DOCK2: variants seen among roughly 807,000 people sequenced by gnomAD.
DOCK2 encodes dedicator of cytokinesis 2, also known as dedicator of cytokinesis protein 2.
In DOCK2, 87 loss-of-function variants were observed where a neutral mutation model predicts 248.9. The observed-to-expected ratio is 0.35, with a 90% confidence interval of 0.29 to 0.42. DOCK2 has a LOEUF of 0.42. Ranked by LOEUF, DOCK2 falls within the 10% of genes least tolerant of loss-of-function variation. DOCK2 has a pLI of 1.00. For synonymous variants in DOCK2, 805 were observed against 821.6 expected (o/e 0.98, Z 0.35); for missense variants, 1,747 against 2,300.2 (o/e 0.76, Z 4.92).
chr5:169,826,690 G>T (rs1017542911), intron 26 of DOCK2, among the ~76,000 whole-genome samples: 1 of 152,134 alleles, frequency 6.6e-6, no homozygotes, highest in Non-Finnish European at 1.5e-5. Context: ...ATAAGAGTTA[G>T]TTATGTATTA....
At chr5:169,651,148 C>T (rs1201747118) in intron 1 of DOCK2, among the ~76,000 whole-genome samples, 1 of 152,194 alleles carries the variant, frequency 6.6e-6, no homozygotes, top group African/African-American at 2.4e-5. Context: ...CTTGGAGCTT[C>T]CTGTTAGTCA....
intron 27 of DOCK2, chr5:169,884,201 G>A (rs765704650): frequency 1.7e-5 from 4 of 229,678 alleles, no homozygotes; most frequent in Non-Finnish European, 2.5e-5. Flanking sequence ...AAGAGAGCTG[G>A]TAGGCGGTTT....
At chr5:169,940,644 A>G (rs1776203924) in intron 27 of DOCK2, among the ~76,000 whole-genome samples, 1 of 152,196 alleles carries the variant, frequency 6.6e-6, no homozygotes, top group Non-Finnish European at 1.5e-5. Flanking sequence ...GGAGCACGCA[A>G]CTTAGATCCC....
chr5:169,786,809 T>G (rs1766015764), intron 25 of DOCK2, among the ~76,000 whole-genome samples: 1 of 152,184 alleles, frequency 6.6e-6, no homozygotes, highest in Non-Finnish European at 1.5e-5. Context: ...GTATTTATAT[T>G]TTATATAAAA....
At chr5:169,769,610 G>A (rs78805498) in intron 25 of DOCK2, among the ~76,000 whole-genome samples, 1,999 of 152,346 alleles carry the variant, frequency 0.013, 29 homozygotes, top group Non-Finnish European at 0.02. Flanking sequence ...TGCTAAAATT[G>A]CAGAATCCTG....
At chr5:169,997,240 C>T (rs1021970555) in intron 30 of DOCK2, among the ~76,000 whole-genome samples, 4 of 131,664 alleles carry the variant, frequency 3.0e-5, no homozygotes, top group South Asian at 2.5e-4. Flanking sequence ...TATTGCTGCC[C>T]GCAGGTCCCA....
intron 25 of DOCK2, among the ~76,000 whole-genome samples, chr5:169,800,385 G>A (rs944390049): frequency 2.0e-4 from 30 of 152,010 alleles, no homozygotes; most frequent in African/African-American, 6.0e-4. Context: ...CACTTGTCAC[G>A]GACTGTCTCA....
In DOCK2 at chr5:169,715,599, T is replaced by C. The variant is rs922189464; in HGVS notation, c.1942-614T>C. ...CTTCCTCTTGCATTCTTTTTTCTTT[T>C]TTTTTTTTTAAAAAAGTTTGTTATT... is the stretch of plus-strand genomic sequence containing the variant. On this transcript the variant is annotated intron_variant, in intron 19 of 51. Coordinates refer to ENST00000520908, the MANE Select transcript of DOCK2 (RefSeq NM_004946.3). 2.0e-5 allele frequency among the ~76,000 whole-genome samples: 3 copies of C among 151,992 alleles called. 1 individual carries two copies. The highest frequency in any genetic ancestry group is 4.1e-4 in the South Asian group (2 of 4,828).
At chr5:169,955,104 C>T (rs1776809815) in intron 27 of DOCK2, among the ~76,000 whole-genome samples, 2 of 152,200 alleles carry the variant, frequency 1.3e-5, no homozygotes, top group Admixed American at 1.3e-4. Context: ...CAAGGCAACC[C>T]CATAACCTTG....
chr5:169,931,235 A>T (rs983775732), intron 27 of DOCK2, among the ~76,000 whole-genome samples: 1 of 152,226 alleles, frequency 6.6e-6, no homozygotes, highest in African/African-American at 2.4e-5. Flanking sequence ...TGTGCATCCC[A>T]AAGACGACCA....
chr5:169,991,948 A>G (rs1278630069), intron 29 of DOCK2, among the ~76,000 whole-genome samples: 1 of 152,232 alleles, frequency 6.6e-6, no homozygotes, highest in Non-Finnish European at 1.5e-5. Flanking sequence ...AACTGTTAGC[A>G]CAGGCCATAT....
chr5:169,714,030 G>A lies in DOCK2; in HGVS notation c.1662G>A (p.Gly554=), dbSNP rs1686750184. Residue 554 remains glycine, a splice_region_variant and synonymous_variant, in exon 18 of 52, where the codon GGG becomes GGA. Transcript: ENST00000520908. The part of the protein sequence containing the change: ...DGFHDLVVLK[G]DSKKMEDASA... Reference sequence around the variant, plus strand: ...CAGTAACCAAGTGTTGTTTCCAGGGGGACAGCAAGAAGATGGAGGATGCCA... The same window carrying A: ...CAGTAACCAAGTGTTGTTTCCAGGGAGACAGCAAGAAGATGGAGGATGCCA... 6.3e-7 allele frequency: 1 copy of A among 1,593,032 alleles called. No individual in the cohort carries two copies. The highest frequency in any genetic ancestry group is 1.7e-5 in the Admixed American group (1 of 58,838).
At chr5:169,717,342 T>G (rs1761959951) in intron 20 of DOCK2, 42 bp from the exon 21 acceptor site, 1 of 1,566,144 alleles carries the variant, frequency 6.4e-7, no homozygotes, top group Non-Finnish European at 8.8e-7. Flanking sequence ...CTTCCTGCCC[T>G]GGGTTTGCCC....
At chr5:169,828,531 C>T (rs1055689310) in intron 26 of DOCK2, among the ~76,000 whole-genome samples, 2 of 152,218 alleles carry the variant, frequency 1.3e-5, no homozygotes, top group Admixed American at 1.3e-4. Flanking sequence ...TTAGTCATCA[C>T]TGAATGAGCT....
At chr5:169,700,868 G>A (rs896239290) in intron 13 of DOCK2, among the ~76,000 whole-genome samples, 3 of 151,558 alleles carry the variant, frequency 2.0e-5, no homozygotes, top group African/African-American at 4.9e-5. Context: ...GAGAGAGGGC[G>A]GCGGGCGGGG....
intron 33 of DOCK2, 108 bp downstream of exon 33, chr5:170,019,216 G>A: frequency 6.6e-7 from 1 of 1,526,606 alleles, no homozygotes; most frequent in Non-Finnish European, 8.9e-7. Context: ...AGGCTCGGCG[G>A]CAGGATAGGG....
intron 3 of DOCK2, 73 bp from the exon 4 acceptor site, chr5:169,670,469 C>T (rs963763743): frequency 9.7e-6 from 15 of 1,547,784 alleles, no homozygotes; most frequent in African/African-American, 5.6e-5. Context: ...ATTATAAAGA[C>T]GTAGGGTCAT....
intron 9 of DOCK2, among the ~76,000 whole-genome samples, chr5:169,692,473 A>AT (rs1760363819): frequency 7.5e-6 from 1 of 132,794 alleles, no homozygotes; most frequent in African/African-American, 2.9e-5. Context: ...TGAATATAGC[A>AT]TTTGGCTATT....
chr5:169,715,431 T>C (rs1761842995), intron 19 of DOCK2, among the ~76,000 whole-genome samples: 1 of 152,240 alleles, frequency 6.6e-6, no homozygotes, highest in African/African-American at 2.4e-5. Flanking sequence ...AGTGGCAGAA[T>C]TTCCAGATGC....
Sources: gnomAD v4.1 joint callset for allele counts (sites outside exome capture counted in the v4.1 genomes callset) on GRCh38, gnomAD v4.1.1 for gene constraint, MANE v1.5 for transcripts, NCBI Gene and HGNC (gene_info 2026-07-23, HGNC 2026-07-21) for gene names.